KLHL4: variants seen among roughly 807,000 people sequenced by gnomAD.
KLHL4 encodes the protein kelch like family member 4.
In KLHL4, 17 loss-of-function variants were observed where a neutral mutation model predicts 45.8. The ratio of observed to expected loss-of-function variants is 0.37; its 90% CI spans 0.25 to 0.56. KLHL4 has a LOEUF of 0.56. Among genes scored for constraint, KLHL4 ranks in the 20% least tolerant of loss-of-function variants. The pLI, the probability that KLHL4 is intolerant of heterozygous loss-of-function variation, is 0.79. For synonymous variants in KLHL4, 224 were observed against 189.9 expected (o/e 1.18, Z -1.47); for missense variants, 544 against 544.9 (o/e 1.00, Z 0.02).
At chrX:87,656,121 T>G (rs150350583) in intron 9 of KLHL4, among the ~76,000 whole-genome samples, 5,570 of 110,905 alleles carry the variant, frequency 0.05, 373 homozygotes, top group African/African-American at 0.17. Flanking sequence ...TTTTAGGATT[T>G]TTTTCCTTCA....
rs2147766401 is a variant in KLHL4 at position 87,531,332 on chromosome X, G to T, written c.422+13017G>T. Among the ~76,000 whole-genome samples, 4 of 110,767 alleles carry T rather than the reference G, an allele frequency of 3.6e-5. No individual in the cohort carries two copies. In the South Asian group the frequency reaches 1.5e-3, roughly 43 times the overall value. ...TTGCTTTTGGTGTTTTAGACATGAA[G>T]TCCTTGCCCATGCCTATGTCCTGAG... On this transcript the variant is annotated intron_variant, in intron 1 of 10. Coordinates refer to ENST00000373119, the MANE Select transcript of KLHL4 (RefSeq NM_019117.5).
At chrX:87,594,791 T>G (rs1267102442) in intron 1 of KLHL4, among the ~76,000 whole-genome samples, 1 of 111,898 alleles carries the variant, frequency 8.9e-6, no homozygotes, top group Admixed American at 9.5e-5. Flanking sequence ...TTTTTCATAT[T>G]GTATTTCAAA....
chrX:87,561,082 T>C (rs906243902), intron 1 of KLHL4, among the ~76,000 whole-genome samples: 28 of 111,441 alleles, frequency 2.5e-4, no homozygotes, highest in African/African-American at 8.2e-4. Flanking sequence ...ATTCAGGACA[T>C]TGGTGTTGGC....
At chrX:87,658,778 C>A (rs924318621) in intron 9 of KLHL4, among the ~76,000 whole-genome samples, 8 of 110,870 alleles carry the variant, frequency 7.2e-5, no homozygotes, top group Non-Finnish European at 1.5e-4. Context: ...GTGAGGCATG[C>A]CAGCAAAGCC....
intron 1 of KLHL4, among the ~76,000 whole-genome samples, chrX:87,583,257 C>T (rs1403277932): frequency 8.9e-6 from 1 of 111,950 alleles, no homozygotes; most frequent in East Asian, 2.9e-4. Context: ...GAAAAGTTCT[C>T]CAAGTCCCCA....
chrX:87,644,618 C>T (rs956290070), intron 9 of KLHL4, among the ~76,000 whole-genome samples: 1 of 111,465 alleles, frequency 9.0e-6, no homozygotes, highest in Non-Finnish European at 1.9e-5. Context: ...AGGACAAGAA[C>T]AAATATGGAG....
chrX:87,518,312 C>G lies in KLHL4; in HGVS notation c.419C>G (p.Ala140Gly). ...MADDNIEDST[A>G]RLDTQHSEDM... ...GATGACAATATAGAAGATTCTACAG[C>G]AAGGTAAGAGTTTTTGGTCGCATAA... The change falls in exon 1 of 11, where the codon GCA becomes GGA. Residue 140 changes from alanine (A) to glycine (G), a missense_variant. Physicochemically the swap from Ala to Gly is moderately conservative, Grantham distance 60. Transcript: ENST00000373119. 1 of 1,200,824 alleles carries G rather than the reference C, an allele frequency of 8.3e-7. No individual in the cohort carries two copies.
At chrX:87,527,880 G>A (rs376147421) in intron 1 of KLHL4, among the ~76,000 whole-genome samples, 2 of 106,100 alleles carry the variant, frequency 1.9e-5, no homozygotes, top group African/African-American at 3.4e-5. Flanking sequence ...CAAGAAACAC[G>A]AAAAAGCAAG....
At chrX:87,541,485 C>T (rs557814705) in intron 1 of KLHL4, among the ~76,000 whole-genome samples, 14,068 of 66,761 alleles carry the variant, frequency 0.21, 1,582 homozygotes, top group East Asian at 0.57. Context: ...AGAGAGACTC[C>T]ATCTCACAAA....
chrX:87,584,303 C>T (rs767203408), intron 1 of KLHL4, among the ~76,000 whole-genome samples: 1 of 111,840 alleles, frequency 8.9e-6, no homozygotes, highest in South Asian at 3.8e-4. Flanking sequence ...GCCCAGACAC[C>T]AAAGAACATC....
At chrX:87,518,727 C>CAAAATAAAA (rs1930942314) in intron 1 of KLHL4, among the ~76,000 whole-genome samples, 1 of 111,899 alleles carries the variant, frequency 8.9e-6, no homozygotes, top group Admixed American at 9.6e-5. Context: ...AAAGCTGTGA[C>CAAAATAAAA]TGATCAGCAC....
At chrX:87,549,206 T>A (rs970034636) in intron 1 of KLHL4, among the ~76,000 whole-genome samples, 15 of 110,907 alleles carry the variant, frequency 1.4e-4, no homozygotes, top group Non-Finnish European at 3.8e-5. Context: ...TGATCAATTT[T>A]AAAAAGGATA....
chrX:87,535,296 A>G (rs1931404374), intron 1 of KLHL4, among the ~76,000 whole-genome samples: 1 of 111,700 alleles, frequency 9.0e-6, no homozygotes, highest in Admixed American at 9.6e-5. Flanking sequence ...TCACAGCAGC[A>G]TATTTTACTT....
At chrX:87,530,170 T>C (rs918242561) in intron 1 of KLHL4, among the ~76,000 whole-genome samples, 40 of 111,414 alleles carry the variant, frequency 3.6e-4, no homozygotes, top group Non-Finnish European at 6.8e-4. Context: ...CCATTGCTTT[T>C]GGTGTTTTAG....
intron 8 of KLHL4, 148 bp downstream of exon 8, chrX:87,634,059 T>C (rs1434770668): frequency 5.0e-5 from 21 of 421,727 alleles, no homozygotes; most frequent in Non-Finnish European, 7.4e-5. Context: ...AACTCTCCAT[T>C]AGGACTGAAA....
chrX:87,536,427 T>C (rs1246108080), intron 1 of KLHL4, among the ~76,000 whole-genome samples: 1 of 111,497 alleles, frequency 9.0e-6, no homozygotes, highest in African/African-American at 3.3e-5. Flanking sequence ...TCCCTGTAGA[T>C]AATTTAATTA....
intron 1 of KLHL4, among the ~76,000 whole-genome samples, chrX:87,544,302 A>G (rs1381167917): frequency 1.8e-5 from 2 of 111,513 alleles, no homozygotes; most frequent in Non-Finnish European, 3.8e-5. Flanking sequence ...TTCAGCCACA[A>G]TACAGTAAAA....
At chrX:87,547,736 G>T (rs1364740846) in intron 1 of KLHL4, among the ~76,000 whole-genome samples, 4 of 110,703 alleles carry the variant, frequency 3.6e-5, no homozygotes. Flanking sequence ...CAGAAGAATG[G>T]CGTGAACCCG....
intron 9 of KLHL4, among the ~76,000 whole-genome samples, chrX:87,655,600 T>C (rs1923962512): frequency 9.0e-6 from 1 of 111,470 alleles, no homozygotes; most frequent in African/African-American, 3.3e-5. Context: ...GTGAGTTTCT[T>C]GTAAGAAGTG....
Sources: allele counts gnomAD v4.1 joint callset (sites outside exome capture counted in the v4.1 genomes callset), GRCh38; gene constraint gnomAD v4.1.1; transcripts MANE v1.5; gene names NCBI Gene and HGNC (gene_info 2026-07-23, HGNC 2026-07-21).